FOXO3: variants seen among roughly 807,000 people sequenced by gnomAD.
FOXO3 encodes forkhead box protein O3.
Under a neutral mutation model 41.9 loss-of-function variants are expected in FOXO3, and 4 were observed. That is an observed-to-expected ratio of 0.10 (90% confidence interval 0.05 to 0.22). The LOEUF is 0.22. FOXO3 is among the 10% of genes least tolerant of loss of function. The pLI, the probability that FOXO3 is intolerant of heterozygous loss-of-function variation, is 1.00. For synonymous variants in FOXO3, 318 were observed against 389.3 expected (o/e 0.82, Z 2.16); for missense variants, 534 against 906.8 (o/e 0.59, Z 5.28).
chr6:108,573,835 T>G (rs1366353314), intron 1 of FOXO3, among the ~76,000 whole-genome samples: 2 of 150,730 alleles, frequency 1.3e-5, no homozygotes, highest in Non-Finnish European at 3.0e-5. Flanking sequence ...ATCTCAAAAA[T>G]AAATAAGTAA....
intron 1 of FOXO3, among the ~76,000 whole-genome samples, chr6:108,592,295 A>G (rs1040918075): frequency 1.3e-5 from 2 of 152,218 alleles, no homozygotes; most frequent in Admixed American, 1.3e-4. Flanking sequence ...TACACCTCAT[A>G]AAGTTGATTT....
Position 108,585,280 on chromosome 6 carries a change from T to C in FOXO3, c.621+23451T>C, listed in dbSNP as rs553890097. Among the ~76,000 whole-genome samples, 27 of 152,182 alleles carry C rather than the reference T, an allele frequency of 1.8e-4. No individual in the cohort carries two copies. The South Asian group carries it at 5.4e-3, about 30-fold the overall frequency. On this transcript the variant is annotated intron_variant, in intron 1 of 2. Coordinates refer to ENST00000406360, the MANE Select transcript of FOXO3 (RefSeq NM_001455.4). ...GGATGGTCTCGATCTCCTGACCTCG[T>C]GATCCACCCGCCTCGGCCTCCCAAA...
intron 1 of FOXO3, among the ~76,000 whole-genome samples, chr6:108,573,537 T>C (rs1405400004): frequency 1.3e-5 from 2 of 152,118 alleles, no homozygotes; most frequent in Non-Finnish European, 2.9e-5. Context: ...TAAATAACTT[T>C]TAAGAATTAG....
At chr6:108,663,349 AAAAAT>A (rs1219829056) in intron 1 of FOXO3, 101 bp from the exon 2 acceptor site, 18 of 1,475,240 alleles carry the variant, frequency 1.2e-5, no homozygotes, top group South Asian at 8.7e-5. Context: ...CTTGTCTCAA[AAAAAT>A]AAAATAAAAA....
chr6:108,623,578 G>A (rs1237124089), intron 1 of FOXO3, among the ~76,000 whole-genome samples: 1 of 152,092 alleles, frequency 6.6e-6, no homozygotes. Context: ...GCTCCTGGGT[G>A]TTTGATGTTT....
intron 1 of FOXO3, among the ~76,000 whole-genome samples, chr6:108,627,518 A>G (rs1250221181): frequency 1.3e-5 from 2 of 152,134 alleles, no homozygotes; most frequent in Non-Finnish European, 2.9e-5. Flanking sequence ...GAGAAGTAAC[A>G]CAGAAAAAAA....
intron 1 of FOXO3, among the ~76,000 whole-genome samples, chr6:108,641,653 C>T (rs1333406453): frequency 6.6e-6 from 1 of 151,862 alleles, no homozygotes; most frequent in Non-Finnish European, 1.5e-5. Context: ...TTTGCGTTCC[C>T]CTGGTGGTTT....
At chr6:108,564,789 TG>T (rs1171677658) in intron 1 of FOXO3, among the ~76,000 whole-genome samples, 6 of 19,426 alleles carry the variant, frequency 3.1e-4, no homozygotes, top group Non-Finnish European at 2.1e-3. Context: ...TTTTGTGTTT[TG>T]TTTTTTTTTT....
In FOXO3 at chr6:108,683,249, G is replaced by GTCCTCAGGCCAGGTAA. The variant is rs1449312772; in HGVS notation, c.*3457_*3458insTCCTCAGGCCAGGTAA. The GTCCTCAGGCCAGGTAA allele has an allele frequency of 6.6e-6, 1 of 152,216 alleles. No individual in the cohort carries two copies. The highest frequency in any genetic ancestry group is 2.4e-5 in the African/African-American group (1 of 41,422). The allele number at this position is 152,216 out of a possible 1,614,324, so 9.4% of individuals were successfully genotyped here. A position where few individuals can be genotyped will look rare whatever the true frequency, so the allele number is the denominator to read the frequency against. On this transcript the variant is annotated 3_prime_UTR_variant, in exon 3 of 3. Transcript: ENST00000406360. ...GTGTTGCTTCCCCACCCTGAGGAGA[G>GTCCTCAGGCCAGGTAA]GACACCATGGCTTACTACTCAGGAC... is the stretch of plus-strand genomic sequence containing the variant.
chr6:108,564,420 C>T (rs1536057), intron 1 of FOXO3, among the ~76,000 whole-genome samples: 45,611 of 152,096 alleles, frequency 0.3, 7,000 homozygotes, highest in African/African-American at 0.37. Flanking sequence ...TTTGGAAGCA[C>T]GCATGTGCAT....
chr6:108,634,958 TTG>T (rs1778082229), intron 1 of FOXO3, among the ~76,000 whole-genome samples: 2 of 151,766 alleles, frequency 1.3e-5, no homozygotes, highest in African/African-American at 4.8e-5. Context: ...GATATATACA[TTG>T]TGTGCATGTA....
intron 1 of FOXO3, among the ~76,000 whole-genome samples, chr6:108,573,242 A>C (rs1428956821): frequency 6.6e-6 from 1 of 152,034 alleles, no homozygotes; most frequent in African/African-American, 2.4e-5. Context: ...AGCCGAGATC[A>C]TGCCACTGCA....
At chr6:108,588,894 G>A (rs1244751257) in intron 1 of FOXO3, among the ~76,000 whole-genome samples, 2 of 152,214 alleles carry the variant, frequency 1.3e-5, no homozygotes, top group Non-Finnish European at 2.9e-5. Context: ...TCAAGCAACT[G>A]GAATATGGAA....
intron 1 of FOXO3, among the ~76,000 whole-genome samples, chr6:108,607,369 G>C (rs948097742): frequency 2.0e-5 from 3 of 150,810 alleles, no homozygotes; most frequent in African/African-American, 7.3e-5. Flanking sequence ...AGAATTGCTT[G>C]AACCTGGGAG....
chr6:108,563,940 C>T (rs1432193086), intron 1 of FOXO3, among the ~76,000 whole-genome samples: 1 of 150,366 alleles, frequency 6.7e-6, no homozygotes, highest in Non-Finnish European at 1.5e-5. Context: ...TTTATGTCAT[C>T]GTTTTTTTGT....
rs1194801292 is a variant in FOXO3, at chr6:108,683,331, A to C, written c.*3539A>C. 6.6e-6 allele frequency: 1 copy of C among 152,234 alleles called. No individual in the cohort carries two copies. The highest frequency in any genetic ancestry group is 1.5e-5 in the Non-Finnish European group (1 of 68,058). 9.4% of individuals were successfully genotyped at this position (152,234 alleles called of 1,614,324 possible). A position where few individuals can be genotyped will look rare whatever the true frequency, so the allele number is the denominator to read the frequency against. ...TGGCTTCCAAACTTGTACGCAGTTT[A>C]AAGATGGTGGGGACAGACTTTGCCT... is the stretch of plus-strand genomic sequence containing the variant. On this transcript the variant is annotated 3_prime_UTR_variant, in exon 3 of 3. Coordinates refer to ENST00000406360, the MANE Select transcript of FOXO3 (RefSeq NM_001455.4).
intron 1 of FOXO3, among the ~76,000 whole-genome samples, chr6:108,575,759 A>G (rs1371475938): frequency 6.6e-6 from 1 of 152,226 alleles, no homozygotes; most frequent in Non-Finnish European, 1.5e-5. Context: ...CTTTCAGTAT[A>G]GTTCCATTAA....
intron 1 of FOXO3, among the ~76,000 whole-genome samples, chr6:108,586,285 T>G (rs372508207): frequency 6.6e-6 from 1 of 152,204 alleles, no homozygotes; most frequent in Non-Finnish European, 1.5e-5. Context: ...GCTTCCAAAC[T>G]TATGTTATGC....
intron 1 of FOXO3, among the ~76,000 whole-genome samples, chr6:108,628,116 T>C (rs1777864128): frequency 6.7e-6 from 1 of 150,216 alleles, no homozygotes. Flanking sequence ...GAAAAAAGCC[T>C]GGCAGAGACC....
Sources: gnomAD v4.1 joint callset for allele counts (sites outside exome capture counted in the v4.1 genomes callset) on GRCh38, gnomAD v4.1.1 for gene constraint, MANE v1.5 for transcripts, NCBI Gene and HGNC (gene_info 2026-07-23, HGNC 2026-07-21) for gene names.